Variants in RETREG1 observed in about 807,000 individuals in gnomAD.
RETREG1 encodes the protein family with sequence similarity 134 member B.
A neutral mutation model predicts 54.8 loss-of-function variants in RETREG1; 44 were observed. The ratio of observed to expected loss-of-function variants is 0.80; its 90% CI spans 0.63 to 1.03. The LOEUF is 1.03. Ranked by LOEUF, RETREG1 falls within the 50% of genes least tolerant of loss-of-function variation. The pLI, the probability that RETREG1 is intolerant of heterozygous loss-of-function variation, is 0.00. For synonymous variants in RETREG1, 217 were observed against 238.5 expected, an observed-to-expected ratio of 0.91 and a Z score of 0.83; for missense variants, 554 against 605.1, an observed-to-expected ratio of 0.92 and a Z score of 0.89.
chr5:16,487,473 C>A (rs1415488737), intron 3 of RETREG1, among the ~76,000 whole-genome samples: 1 of 152,332 alleles, frequency 6.6e-6, no homozygotes, highest in Admixed American at 6.5e-5. Flanking sequence ...TTTCCATCCT[C>A]GTAGCCAGTC....
At chr5:16,478,162 T>G in intron 6 of RETREG1, 64 bp from the exon 7 acceptor site, 1 of 988,286 alleles carries the variant, frequency 1.0e-6, no homozygotes, top group Non-Finnish European at 1.6e-6. Flanking sequence ...TGCATTTATT[T>G]CATTATGTAT....
chr5:16,573,735 G>GTTTTT lies in RETREG1; in HGVS notation c.321-1638_321-1634dup, dbSNP rs3993826. ...TTTAATTGGTTTTTTGGGTTTGTTT[G>GTTTTT]TTTTTTGTTTTTTTTTTTTTTTTTT... On this transcript the variant is annotated intron_variant, in intron 1 of 8. Coordinates refer to ENST00000306320, the MANE Select transcript of RETREG1 (RefSeq NM_001034850.3). Among the ~76,000 whole-genome samples the GTTTTT allele has an allele frequency of 4.1e-3, 496 of 122,106 alleles. 35 individuals are homozygous for GTTTTT. Among genetic ancestry groups the GTTTTT allele is most frequent in the Middle Eastern group, 5.5e-3 (1 of 182 alleles). 80.1% of individuals were successfully genotyped at this position (122,106 alleles called of 152,430 possible).
At chr5:16,534,450 T>C (rs943482246) in intron 3 of RETREG1, among the ~76,000 whole-genome samples, 6 of 152,214 alleles carry the variant, frequency 3.9e-5, no homozygotes, top group Non-Finnish European at 7.3e-5. Flanking sequence ...AAGGTTATCA[T>C]CCTGAAGTGC....
rs35003 is a variant in RETREG1, at chr5:16,616,990, A to G, written c.-19T>C. On this transcript the variant is annotated 5_prime_UTR_variant, in exon 1 of 9. Transcript: ENST00000306320. ...TCGCCATCTTCAGCTGTGCTTCCAG[A>G]CAGGGACGGGGCCGGGCGCGCGCGC... 1,070,663 of 1,365,340 alleles carry G rather than the reference A, an allele frequency of 0.78. 420,637 individuals carry two copies. The highest frequency in any genetic ancestry group is 0.87 in the South Asian group (50,307 of 57,508). The allele number at this position is 1,365,340 out of a possible 1,614,324, so 84.6% of individuals were successfully genotyped here. A position where few individuals can be genotyped will look rare whatever the true frequency, so the allele number is the denominator to read the frequency against.
In RETREG1 at chr5:16,593,970, C is replaced by T. The variant is rs1742838565; in HGVS notation, c.321-21868G>A. Among the ~76,000 whole-genome samples, 1 of 152,274 alleles carries T rather than the reference C, an allele frequency of 6.6e-6. No individual in the cohort carries two copies. The highest frequency in any genetic ancestry group is 1.5e-5 in the Non-Finnish European group (1 of 68,052). On this transcript the variant is annotated intron_variant, in intron 1 of 8. Transcript: ENST00000306320. The surrounding 1 kb of genome is among the most constrained non-coding windows in gnomAD (Gnocchi z 4.9). ...GTAGTTCCAACAAAAAGCCAAAGAT[C>T]ATCACTGACATTCTGGGGATGGTAG...
chr5:16,556,198 G>A (rs946468899), intron 3 of RETREG1, among the ~76,000 whole-genome samples: 2 of 148,140 alleles, frequency 1.4e-5, no homozygotes, highest in Admixed American at 6.8e-5. Flanking sequence ...TCGCTCTGTC[G>A]CCCAGGCTTG....
intron 1 of RETREG1, among the ~76,000 whole-genome samples, chr5:16,575,353 T>C (rs1742294782): frequency 6.6e-6 from 1 of 152,178 alleles, no homozygotes; most frequent in African/African-American, 2.4e-5. Flanking sequence ...TTCCTTAGAA[T>C]GGCTTTCTTT....
chr5:16,544,264 C>T (rs1741330536), intron 3 of RETREG1, among the ~76,000 whole-genome samples: 1 of 152,196 alleles, frequency 6.6e-6, no homozygotes. Context: ...GCATGAGCCA[C>T]CATGCCCAGC....
intron 3 of RETREG1, among the ~76,000 whole-genome samples, chr5:16,505,863 G>T (rs1579622171): frequency 6.6e-6 from 1 of 152,172 alleles, no homozygotes; most frequent in African/African-American, 2.4e-5. Context: ...GGCCCCTGAG[G>T]CTCCCTGTTT....
At position 16,585,765 on chromosome 5, in the gene RETREG1, A is replaced by G. The variant is rs758633332; in HGVS notation, c.321-13663T>C. The stretch of plus-strand genomic sequence containing the variant: ...CTTCTCATGAGGCCTCAGAAAGCTT[A>G]TGATCATGGTGAAAGGTGAAGGGGA... On this transcript the variant is annotated intron_variant, in intron 1 of 8. Transcript: ENST00000306320. The surrounding 1 kb of genome is among the most constrained non-coding windows in gnomAD (Gnocchi z 4.5). 5.3e-5 allele frequency among the ~76,000 whole-genome samples: 8 copies of G among 152,184 alleles called. No individual in the cohort carries two copies. Among genetic ancestry groups the G allele is most frequent in the Non-Finnish European group, 1.0e-4 (7 of 68,022 alleles).
intron 1 of RETREG1, among the ~76,000 whole-genome samples, chr5:16,598,827 C>T (rs1229561590): frequency 2.0e-5 from 3 of 152,240 alleles, no homozygotes; most frequent in South Asian, 4.2e-4. Flanking sequence ...GCTGAAGACA[C>T]CTACGATTTA....
intron 2 of RETREG1, 117 bp downstream of exon 2, chr5:16,571,879 C>A: frequency 1.4e-6 from 1 of 728,162 alleles, no homozygotes; most frequent in Non-Finnish European, 2.4e-6. Flanking sequence ...ACAGCTAAGT[C>A]AATGCCTATA....
chr5:16,487,727 T>C (rs1398105128), intron 3 of RETREG1, among the ~76,000 whole-genome samples: 1 of 152,244 alleles, frequency 6.6e-6, no homozygotes, highest in Non-Finnish European at 1.5e-5. Flanking sequence ...AAGTCCTTTT[T>C]CAGCAGCTGA....
chr5:16,568,628 T>C (rs1412854472), intron 2 of RETREG1, among the ~76,000 whole-genome samples: 2 of 152,072 alleles, frequency 1.3e-5, no homozygotes, highest in East Asian at 1.9e-4. Context: ...AGATTGTAAC[T>C]GGGAGTCGTC....
chr5:16,565,046 A>G (rs1243432136), intron 3 of RETREG1, among the ~76,000 whole-genome samples: 1 of 152,158 alleles, frequency 6.6e-6, no homozygotes, highest in Admixed American at 6.5e-5. Context: ...TAAAAAATCA[A>G]TTCCTACAAA....
chr5:16,498,221 CCA>C (rs34821991), intron 3 of RETREG1, among the ~76,000 whole-genome samples: 4,120 of 152,248 alleles, frequency 0.027, 185 homozygotes, highest in East Asian at 0.19. Context: ...TGTGTGAACA[CCA>C]CAGAGTGTAC....
chr5:16,552,643 T>C (rs1326482138), intron 3 of RETREG1, among the ~76,000 whole-genome samples: 1 of 152,210 alleles, frequency 6.6e-6, no homozygotes, highest in African/African-American at 2.4e-5. Flanking sequence ...TCTCCATTGA[T>C]CTATCCTTCA....
chr5:16,583,332 A>G (rs1742541950), intron 1 of RETREG1, among the ~76,000 whole-genome samples: 1 of 91,694 alleles, frequency 1.1e-5, no homozygotes, highest in Non-Finnish European at 2.2e-5. Flanking sequence ...CCAAAAATAC[A>G]AAAAAAAAAA....
intron 3 of RETREG1, among the ~76,000 whole-genome samples, chr5:16,523,945 C>A (rs1375626939): frequency 6.6e-6 from 1 of 152,084 alleles, no homozygotes; most frequent in Non-Finnish European, 1.5e-5. Flanking sequence ...CCTCCTCCAA[C>A]CCCAGGCGAT....
Sources: gnomAD v4.1 joint callset for allele counts (sites outside exome capture counted in the v4.1 genomes callset) on GRCh38, gnomAD v4.1.1 for gene constraint, Gnocchi (gnomAD v3.1) non-coding constraint, MANE v1.5 for transcripts, NCBI Gene and HGNC (gene_info 2026-07-23, HGNC 2026-07-21) for gene names.